The following PICALM variants were observed in gnomAD, a reference collection of about 807,000 sequenced individuals.
The protein encoded by PICALM is phosphatidylinositol-binding clathrin assembly protein.
A neutral mutation model predicts 80.5 loss-of-function variants in PICALM; 40 were observed. The observed-to-expected ratio is 0.50, with a 90% CI of 0.39 to 0.65. The LOEUF (loss-of-function observed/expected upper bound fraction) is 0.65. Ranked by LOEUF, PICALM falls within the 30% of genes least tolerant of loss-of-function variation. The pLI, the probability that PICALM is intolerant of heterozygous loss-of-function variation, is 0.00. For synonymous variants in PICALM, 288 were observed against 260.3 expected, an observed-to-expected ratio of 1.11 and a Z score of -1.02; for missense variants, 676 against 778.9, an observed-to-expected ratio of 0.87 and a Z score of 1.57.
intron 1 of PICALM, among the ~76,000 whole-genome samples, chr11:86,040,287 A>G (rs1049857343): frequency 6.6e-6 from 1 of 152,168 alleles, no homozygotes; most frequent in African/African-American, 2.4e-5. Context: ...TCATGTGGTG[A>G]GGTATGTATG....
At chr11:86,034,079 G>A (rs1274623240) in intron 1 of PICALM, among the ~76,000 whole-genome samples, 1 of 152,070 alleles carries the variant, frequency 6.6e-6, no homozygotes, top group African/African-American at 2.4e-5. Context: ...AAAAACTGGA[G>A]TTATTTTGAA....
chr11:85,988,998 G>T (rs2094676814), intron 13 of PICALM, among the ~76,000 whole-genome samples: 3 of 152,170 alleles, frequency 2.0e-5, no homozygotes, highest in Admixed American at 6.5e-5. Flanking sequence ...ATGCAGCATA[G>T]TTAAGACCAC....
rs561937456 is a variant in PICALM, at chr11:85,976,679, G to A, written c.1783C>T (p.Pro595Ser). 5 of 1,585,206 alleles carry A rather than the reference G, an allele frequency of 3.2e-6. No homozygotes were observed. The highest frequency in any genetic ancestry group is 3.5e-6 in the Non-Finnish European group (4 of 1,154,266). ...GTAGCAGGATAGGCCATTACAGGGGGTGCCTAACATAGTGAAAGGAAAAAT... is the reference window on the plus strand; with the variant it reads ...GTAGCAGGATAGGCCATTACAGGGGATGCCTAACATAGTGAAAGGAAAAAT... ...TTAWNAATMA[P>S]PVMAYPATTP... The change falls in exon 18 of 20, where the codon CCC becomes TCC. Residue 595 changes from proline to serine, a missense_variant. Pro to Ser is a moderately conservative substitution (Grantham distance 74). Coordinates refer to ENST00000393346, the MANE Select transcript of PICALM (RefSeq NM_007166.4).
intron 10 of PICALM, 68 bp from the exon 11 acceptor site, chr11:86,000,847 G>GC: frequency 6.4e-7 from 1 of 1,552,062 alleles, no homozygotes; most frequent in Admixed American, 2.0e-5. Flanking sequence ...TCTGAAAAAA[G>GC]CATTTTCTAA....
rs529577271 is a variant in PICALM at position 86,007,669 on chromosome 11, A to C, written c.766-86T>G. ...GAAAAATGACATCACGGCTAGTACC[A>C]GTAATATTTTAAACAGACTTCTTAA... is the stretch of plus-strand genomic sequence containing the variant. On this transcript the variant is annotated intron_variant, in intron 7 of 19. Transcript: ENST00000393346. 1.0e-4 allele frequency: 47 copies of C among 450,344 alleles called. 1 individual carries two copies. The highest frequency in any genetic ancestry group is 1.1e-4 in the Non-Finnish European group (29 of 259,720). 27.9% of individuals were successfully genotyped at this position (450,344 alleles called of 1,614,324 possible).
At chr11:85,993,943 T>C (rs1328986700) in intron 12 of PICALM, among the ~76,000 whole-genome samples, 8 of 152,084 alleles carry the variant, frequency 5.3e-5, no homozygotes. Context: ...TGGTCTCAAA[T>C]TCTTGGGCTA....
At chr11:85,995,585 C>A (rs1162797751) in intron 12 of PICALM, among the ~76,000 whole-genome samples, 2 of 152,054 alleles carry the variant, frequency 1.3e-5, no homozygotes, top group East Asian at 3.8e-4. Context: ...TTTTATTTGG[C>A]CTTCTATAAA....
chr11:85,997,524 G>A (rs2136034518), intron 11 of PICALM, among the ~76,000 whole-genome samples: 1 of 152,310 alleles, frequency 6.6e-6, no homozygotes, highest in South Asian at 2.1e-4. Flanking sequence ...AGGATGGAGT[G>A]CAGCGGCGTG....
intron 9 of PICALM, 132 bp downstream of exon 9, chr11:86,003,231 ATAT>A: frequency 5.8e-6 from 3 of 519,364 alleles, no homozygotes; most frequent in South Asian, 3.2e-5. Flanking sequence ...TATGAGGCTG[ATAT>A]TATGATTAAA....
chr11:85,982,032 T>A, intron 14 of PICALM, 29 bp from the exon 15 acceptor site: 1 of 1,607,108 alleles, frequency 6.2e-7, no homozygotes, highest in South Asian at 1.1e-5. Flanking sequence ...CGAAATAGAA[T>A]TTGTAAGGAA....
chr11:86,004,359 T>C lies in PICALM; in HGVS notation c.808-908A>G, dbSNP rs150685805. On this transcript the variant is annotated intron_variant, in intron 8 of 19. Coordinates refer to ENST00000393346, the MANE Select transcript of PICALM (RefSeq NM_007166.4). ...CGCTTATATTAAGAACCAACAAAATTATGCTATTAGAAATCAAAACAGTGA... is the reference window on the plus strand; with the variant it reads ...CGCTTATATTAAGAACCAACAAAATCATGCTATTAGAAATCAAAACAGTGA... 3.1e-3 allele frequency among the ~76,000 whole-genome samples: 472 copies of C among 152,182 alleles called. 4 individuals are homozygous for C. The highest frequency in any genetic ancestry group is 0.01 in the South Asian group (50 of 4,826).
At chr11:85,990,615 A>G (rs1322215949) in intron 12 of PICALM, among the ~76,000 whole-genome samples, 1 of 152,200 alleles carries the variant, frequency 6.6e-6, no homozygotes, top group Non-Finnish European at 1.5e-5. Context: ...AAATCCTTTT[A>G]TTTGTTAACA....
intron 1 of PICALM, among the ~76,000 whole-genome samples, chr11:86,062,858 A>T (rs1012130879): frequency 6.6e-6 from 1 of 152,224 alleles, no homozygotes; most frequent in Non-Finnish European, 1.5e-5. Flanking sequence ...AACTGGGAAC[A>T]TACTAAGACA....
intron 17 of PICALM, among the ~76,000 whole-genome samples, chr11:85,977,498 G>A (rs898400740): frequency 6.6e-6 from 1 of 152,126 alleles, no homozygotes; most frequent in African/African-American, 2.4e-5. Context: ...GAATAAAGGT[G>A]AAAGACCAAT....
intron 17 of PICALM, among the ~76,000 whole-genome samples, chr11:85,979,862 A>AG (rs1026384069): frequency 3.3e-5 from 5 of 152,314 alleles, no homozygotes; most frequent in African/African-American, 1.2e-4. Flanking sequence ...CTTTTCCACA[A>AG]GGAGTTTTCT....
At chr11:86,040,124 T>C (rs898436286) in intron 1 of PICALM, among the ~76,000 whole-genome samples, 1 of 151,186 alleles carries the variant, frequency 6.6e-6, no homozygotes, top group Admixed American at 6.6e-5. Flanking sequence ...GTTATAAGAA[T>C]GGATGGTGAT....
At chr11:86,006,170 C>A (rs2095272375) in intron 8 of PICALM, among the ~76,000 whole-genome samples, 1 of 152,164 alleles carries the variant, frequency 6.6e-6, no homozygotes, top group South Asian at 2.1e-4. Flanking sequence ...TCATGTTCAA[C>A]CCAGAATCAT....
At chr11:86,068,557 G>A (rs1011421739) in intron 1 of PICALM, 94 bp downstream of exon 1, 15 of 1,187,788 alleles carry the variant, frequency 1.3e-5, no homozygotes, top group South Asian at 2.9e-5. Context: ...GGAGGGAAGA[G>A]GCAGTAGAAG....
intron 12 of PICALM, among the ~76,000 whole-genome samples, chr11:85,993,433 C>T (rs2094856949): frequency 6.6e-6 from 1 of 151,352 alleles, no homozygotes; most frequent in African/African-American, 2.4e-5. Flanking sequence ...ATTATTCATT[C>T]AAGTTTAATT....
Sources: gnomAD v4.1 joint callset for allele counts (sites outside exome capture counted in the v4.1 genomes callset) on GRCh38, gnomAD v4.1.1 for gene constraint, MANE v1.5 for transcripts, NCBI Gene and HGNC (gene_info 2026-07-23, HGNC 2026-07-21) for gene names.